The following CD109 variants were observed in gnomAD, a reference collection of about 807,000 sequenced individuals.
CD109 encodes CD109 molecule.
Under a neutral mutation model 165.8 loss-of-function variants are expected in CD109, and 149 were observed. That is an observed-to-expected ratio of 0.90 (90% confidence interval 0.79 to 1.03). The LOEUF is 1.03. CD109 is among the 50% of genes least tolerant of loss of function. The pLI, the probability that CD109 is intolerant of heterozygous loss-of-function variation, is 0.00. For missense variants in CD109, 1,712 were observed against 1,677.8 expected, an observed-to-expected ratio of 1.02 and a Z score of -0.36; for synonymous variants, 585 against 592.1, an observed-to-expected ratio of 0.99 and a Z score of 0.18.
At chr6:73,686,464 A>C in the CD109 span, among the ~76,000 whole-genome samples, 17 of 152,308 alleles carry the variant, frequency 1.1e-4, no homozygotes, top group African/African-American at 3.4e-4. Flanking sequence ...AAATTTAATC[A>C]GATTCAGTTT....
chr6:73,815,355 G>T (rs529013265), intron 30 of CD109, among the ~76,000 whole-genome samples: 4 of 152,190 alleles, frequency 2.6e-5, no homozygotes, highest in African/African-American at 9.6e-5. Context: ...CATTTGAATA[G>T]AACAGTGTAT....
At position 73,807,025 on chromosome 6, in the gene CD109, C is replaced by A. The variant is rs1435038038; in HGVS notation, c.3142C>A (p.Leu1048Ile). The change falls in exon 25 of 33, where the codon CTT becomes ATT. Residue 1048 changes from leucine to isoleucine, a missense_variant. Leu to Ile is a conservative substitution (Grantham distance 5). Transcript: ENST00000287097. The part of the protein sequence containing the change: ...LQGGNKSPVT[L>I]TAYIVTSLLG... Reference sequence around the variant, plus strand: ...AGGTGGCAATAAAAGTCCAGTAACACTTACAGCCTATATTGTAACTTCTCT... The same window carrying A: ...AGGTGGCAATAAAAGTCCAGTAACAATTACAGCCTATATTGTAACTTCTCT... The A allele has an allele frequency of 6.2e-7, 1 of 1,613,740 alleles. No homozygotes were observed. The highest frequency in any genetic ancestry group is 8.5e-7 in the Non-Finnish European group (1 of 1,179,860).
intron 23 of CD109, among the ~76,000 whole-genome samples, chr6:73,797,342 C>T (rs768964387): frequency 6.6e-6 from 1 of 152,208 alleles, no homozygotes; most frequent in East Asian, 1.9e-4. Flanking sequence ...ATTTAAATCA[C>T]AGTGCCTGCA....
chr6:73,821,559 A>G (rs1582215695), intron 32 of CD109, among the ~76,000 whole-genome samples: 1 of 152,338 alleles, frequency 6.6e-6, no homozygotes, highest in Non-Finnish European at 1.5e-5. Flanking sequence ...GAACTAAATT[A>G]TGTCTTTTGC....
chr6:73,707,998 A>G (rs534160278), intron 2 of CD109, among the ~76,000 whole-genome samples: 1 of 60,024 alleles, frequency 1.7e-5, no homozygotes, highest in Non-Finnish European at 4.1e-5. Context: ...ATATATATAT[A>G]TATATATATA....
chr6:73,763,772 A>T (rs932463356), intron 10 of CD109, 87 bp downstream of exon 10: 5 of 652,784 alleles, frequency 7.7e-6, no homozygotes, highest in Non-Finnish European at 1.2e-5. Context: ...ATGCTTTTCT[A>T]AAAATTTAAG....
chr6:73,784,103 GAAAA>G (rs1417372594), intron 19 of CD109, among the ~76,000 whole-genome samples: 1 of 152,078 alleles, frequency 6.6e-6, no homozygotes, highest in Non-Finnish European at 1.5e-5. Flanking sequence ...GAGAGAGAAA[GAAAA>G]AGAGAGAGAG....
At chr6:73,737,377 A>G (rs535982285) in intron 5 of CD109, among the ~76,000 whole-genome samples, 4 of 152,328 alleles carry the variant, frequency 2.6e-5, no homozygotes, top group African/African-American at 7.2e-5. Flanking sequence ...TGGACTCTCA[A>G]TATTTGCTTC....
chr6:73,721,540 A>C (rs188306277), intron 2 of CD109, among the ~76,000 whole-genome samples: 295 of 151,256 alleles, frequency 2.0e-3, no homozygotes, highest in African/African-American at 6.9e-3. Flanking sequence ...AATTTTTGGT[A>C]TTTTTAGTAG....
chr6:73,822,856 T>C (rs996973237), intron 32 of CD109, among the ~76,000 whole-genome samples: 3 of 152,238 alleles, frequency 2.0e-5, no homozygotes, highest in Non-Finnish European at 4.4e-5. Flanking sequence ...AAATAGAATA[T>C]GTTTTTTAAA....
intron 30 of CD109, 138 bp from the exon 31 acceptor site, chr6:73,818,250 C>A (rs1776002587): frequency 1.2e-6 from 1 of 815,992 alleles, no homozygotes; most frequent in Non-Finnish European, 1.9e-6. Flanking sequence ...TTTTAAAATT[C>A]TCTATAGGGA....
chr6:73,818,575 T>A, intron 31 of CD109, 40 bp downstream of exon 31: 1 of 1,569,732 alleles, frequency 6.4e-7, no homozygotes, highest in Non-Finnish European at 8.7e-7. Context: ...ACAAAGCCAC[T>A]GTGTTTTGTA....
At chr6:73,687,676 G>T in the CD109 span, among the ~76,000 whole-genome samples, 1 of 152,074 alleles carries the variant, frequency 6.6e-6, no homozygotes, top group Admixed American at 6.6e-5. Context: ...TAACCAAAAG[G>T]TGGAGTATTC....
At chr6:73,705,935 G>A (rs1305541855) in intron 2 of CD109, among the ~76,000 whole-genome samples, 1 of 152,058 alleles carries the variant, frequency 6.6e-6, no homozygotes, top group African/African-American at 2.4e-5. Flanking sequence ...AGAGGTGGAC[G>A]GTCTCTCAAA....
At chr6:73,793,111 A>G (rs907431464) in intron 23 of CD109, among the ~76,000 whole-genome samples, 5 of 152,224 alleles carry the variant, frequency 3.3e-5, no homozygotes, top group Non-Finnish European at 1.5e-5. Flanking sequence ...AGGAATACTC[A>G]TTCATTTTAT....
chr6:73,738,962 T>C (rs1164752794), intron 5 of CD109, among the ~76,000 whole-genome samples: 1 of 152,242 alleles, frequency 6.6e-6, no homozygotes, highest in Non-Finnish European at 1.5e-5. Flanking sequence ...TTCATTCATC[T>C]CACTTTTAAT....
At chr6:73,771,952 T>A (rs919841697) in intron 15 of CD109, among the ~76,000 whole-genome samples, 3 of 152,194 alleles carry the variant, frequency 2.0e-5, no homozygotes, top group Non-Finnish European at 2.9e-5. Context: ...GTATGTAGTA[T>A]GCAAGGTGAT....
At chr6:73,782,879 G>C in intron 18 of CD109, 124 bp downstream of exon 18, 1 of 751,656 alleles carries the variant, frequency 1.3e-6, no homozygotes, top group Non-Finnish European at 2.0e-6. Flanking sequence ...TAGACCAAAA[G>C]GATTTTTTAG....
chr6:73,737,921 A>G (rs947584710), intron 5 of CD109, among the ~76,000 whole-genome samples: 1 of 151,786 alleles, frequency 6.6e-6, no homozygotes, highest in African/African-American at 2.4e-5. Flanking sequence ...ATTCTTAAGA[A>G]TCACTTTTTT....
Sources: allele counts gnomAD v4.1 joint callset (sites outside exome capture counted in the v4.1 genomes callset), GRCh38; gene constraint gnomAD v4.1.1; transcripts MANE v1.5; gene names NCBI Gene and HGNC (gene_info 2026-07-23, HGNC 2026-07-21).